Variants in DCX observed in about 807,000 individuals in gnomAD.
DCX encodes the protein neuronal migration protein doublecortin.
A neutral mutation model predicts 20.9 loss-of-function variants in DCX; 4 were observed. The observed-to-expected ratio is 0.19, with a 90% confidence interval of 0.09 to 0.44. The LOEUF is 0.44. Ranked by LOEUF, DCX falls within the 20% of genes least tolerant of loss-of-function variation. The probability of loss-of-function intolerance (pLI) is 0.99; values close to 1 mark genes in which losing one functional copy is unlikely to be tolerated. For missense variants in DCX, 133 were observed against 296.9 expected, an observed-to-expected ratio of 0.45 and a Z score of 4.06; for synonymous variants, 103 against 111.4, an observed-to-expected ratio of 0.92 and a Z score of 0.47.
intron 3 of DCX, among the ~76,000 whole-genome samples, chrX:111,382,157 C>T (rs897788988): frequency 1.8e-5 from 2 of 111,707 alleles, no homozygotes; most frequent in Non-Finnish European, 3.8e-5. Context: ...GCACATGAAC[C>T]ACACATTGAG....
At chrX:111,378,601 C>T (rs1476247439) in intron 3 of DCX, among the ~76,000 whole-genome samples, 1 of 111,073 alleles carries the variant, frequency 9.0e-6, no homozygotes, top group Non-Finnish European at 1.9e-5. Flanking sequence ...AACTAGGTAG[C>T]GACCAAATTT....
intron 3 of DCX, among the ~76,000 whole-genome samples, chrX:111,362,744 G>A (rs1272100094): frequency 9.0e-6 from 1 of 111,021 alleles, no homozygotes; most frequent in African/African-American, 3.3e-5. Flanking sequence ...GTAGAGAGAT[G>A]AGGAGATTCC....
chrX:111,343,958 G>A (rs1003432053), intron 3 of DCX, among the ~76,000 whole-genome samples: 3 of 110,814 alleles, frequency 2.7e-5, no homozygotes, highest in African/African-American at 9.9e-5. Context: ...CTGCAACCTG[G>A]GCGACAGAAC....
intron 3 of DCX, among the ~76,000 whole-genome samples, chrX:111,383,535 C>T (rs1451122377): frequency 1.8e-5 from 2 of 111,565 alleles, no homozygotes; most frequent in East Asian, 5.7e-4. Context: ...GCATGATCAT[C>T]CCTTACAAAT....
intron 5 of DCX, among the ~76,000 whole-genome samples, chrX:111,328,087 T>A (rs1157650418): frequency 3.6e-5 from 4 of 112,311 alleles, no homozygotes; most frequent in Non-Finnish European, 7.5e-5. Context: ...CCATGTTAGA[T>A]TGGTGGTAGG....
chrX:111,319,366 G>C (rs1005359051), intron 5 of DCX, among the ~76,000 whole-genome samples: 2 of 110,901 alleles, frequency 1.8e-5, no homozygotes, highest in Non-Finnish European at 3.8e-5. Flanking sequence ...TGAACACCAT[G>C]GTAGATAGGG....
In DCX at chrX:111,325,964, T is replaced by A. The variant is rs185352681; in HGVS notation, c.946+4940A>T. Among the ~76,000 whole-genome samples, 23 of 111,625 alleles carry A rather than the reference T, an allele frequency of 2.1e-4. No homozygotes were observed. In the Admixed American group the frequency reaches 2.2e-3, roughly 11 times the overall value. On this transcript the variant is annotated intron_variant, in intron 5 of 6. Transcript: ENST00000636035. ...AGGTCAGAATGACCAAGTCCCTCTA[T>A]CTTAGGCAACCCAAAGCAGCCTACT...
intron 3 of DCX, among the ~76,000 whole-genome samples, chrX:111,338,716 GTTCTCTTTA>G (rs1366780301): frequency 9.8e-6 from 1 of 101,969 alleles, no homozygotes; most frequent in Admixed American, 1.1e-4. Flanking sequence ...TTTTTGCACA[GTTCTCTTTA>G]TTCAATGCCC....
At chrX:111,402,810 T>C (rs866468341) in intron 2 of DCX, among the ~76,000 whole-genome samples, 1 of 49,022 alleles carries the variant, frequency 2.0e-5, no homozygotes, top group Non-Finnish European at 6.0e-5. Context: ...TGTGTGTGTG[T>C]GTGTGTGTGT....
chrX:111,368,901 T>TATAC (rs1467693516), intron 3 of DCX, among the ~76,000 whole-genome samples: 56 of 98,277 alleles, frequency 5.7e-4, no homozygotes, highest in African/African-American at 2.1e-3. Context: ...TATATATACA[T>TATAC]ACACACACAC....
intron 3 of DCX, among the ~76,000 whole-genome samples, chrX:111,384,608 G>A (rs191096091): frequency 1.3e-3 from 149 of 111,502 alleles, no homozygotes; most frequent in African/African-American, 4.2e-3. Flanking sequence ...GATGCATTGC[G>A]GTTTAATGAT....
At chrX:111,357,175 T>C (rs1426815174) in intron 3 of DCX, among the ~76,000 whole-genome samples, 3 of 111,969 alleles carry the variant, frequency 2.7e-5, no homozygotes, top group South Asian at 7.4e-4. Context: ...ATGGGTACAG[T>C]GGTTAATAGT....
intron 3 of DCX, among the ~76,000 whole-genome samples, chrX:111,344,607 A>G (rs1922616320): frequency 9.0e-6 from 1 of 111,407 alleles, no homozygotes; most frequent in East Asian, 2.8e-4. Flanking sequence ...AGACAAGCAG[A>G]GAACAAAATC....
At chrX:111,401,447 A>C in intron 2 of DCX, 117 bp from the exon 3 acceptor site, 1 of 668,973 alleles carries the variant, frequency 1.5e-6, no homozygotes, top group East Asian at 3.4e-5. Flanking sequence ...GGTGATACTA[A>C]CCAACCTTAG....
chrX:111,362,349 A>G, intron 3 of DCX, among the ~76,000 whole-genome samples: 1 of 110,845 alleles, frequency 9.0e-6, no homozygotes, highest in East Asian at 2.9e-4. Context: ...CAAAAGTGAT[A>G]TATTGGCAAT....
intron 3 of DCX, 100 bp downstream of exon 3, chrX:111,400,890 G>T: frequency 2.6e-6 from 2 of 775,694 alleles, no homozygotes; most frequent in Non-Finnish European, 3.9e-6. Flanking sequence ...ATGATGAGAT[G>T]TGGAGGAAGA....
At position 111,405,368 on chromosome X, in the gene DCX, G is replaced by T. The variant is rs564056103; in HGVS notation, c.365-4038C>A. Among the ~76,000 whole-genome samples the T allele has an allele frequency of 3.4e-4, 38 of 112,207 alleles. No homozygotes were observed. In the South Asian group the frequency reaches 9.6e-3, roughly 28 times the overall value. Reference sequence around the variant, plus strand: ...CTCCCAGGTATCTTAAAATTCTTGTGTTTGACAATGTACTTGCTTTAGTAG... The same window carrying T: ...CTCCCAGGTATCTTAAAATTCTTGTTTTTGACAATGTACTTGCTTTAGTAG... On this transcript the variant is annotated intron_variant, in intron 2 of 6. Transcript: ENST00000636035.
intron 3 of DCX, among the ~76,000 whole-genome samples, chrX:111,385,653 CAAAAAAGAAAGAAAA>C: frequency 9.9e-6 from 1 of 100,875 alleles, no homozygotes; most frequent in Non-Finnish European, 2.0e-5. Flanking sequence ...GAGAATCTGT[CAAAAAAGAAAGAAAA>C]GAAAAAGAAA....
chrX:111,367,692 A>G (rs1336618947), intron 3 of DCX, among the ~76,000 whole-genome samples: 1 of 111,739 alleles, frequency 8.9e-6, no homozygotes. Flanking sequence ...GTAGTAGGGT[A>G]CGTGGCGGCC....
Sources: allele counts gnomAD v4.1 joint callset (sites outside exome capture counted in the v4.1 genomes callset), GRCh38; gene constraint gnomAD v4.1.1; transcripts MANE v1.5; gene names NCBI Gene and HGNC (gene_info 2026-07-23, HGNC 2026-07-21).